SMURF2: variants seen among roughly 807,000 people sequenced by gnomAD.
SMURF2 encodes SMAD specific E3 ubiquitin protein ligase 2, also known as E3 ubiquitin-protein ligase SMURF2.
SMURF2 carries 48 observed loss-of-function variants against 109.6 expected under a neutral mutation model. That is an observed-to-expected ratio of 0.44 (90% CI 0.35 to 0.56). SMURF2 has a LOEUF of 0.56. SMURF2 is among the 20% of genes least tolerant of loss of function. SMURF2 has a pLI of 0.01. For synonymous variants in SMURF2, 288 were observed against 317.1 expected (o/e 0.91, Z 0.97); for missense variants, 575 against 909.0 (o/e 0.63, Z 4.72).
intron 8 of SMURF2, among the ~76,000 whole-genome samples, chr17:64,580,215 TAGG>T (rs1395708599): frequency 1.3e-5 from 2 of 152,214 alleles, no homozygotes; most frequent in African/African-American, 2.4e-5. Flanking sequence ...CGTATTCTAT[TAGG>T]AGAAGACTCA....
At chr17:64,592,927 T>C (rs1444370723) in intron 4 of SMURF2, 6 of 152,194 alleles carry the variant, frequency 3.9e-5, no homozygotes, top group Admixed American at 3.9e-4. Context: ...CTTTAACTTT[T>C]AATTTTGTCA....
At chr17:64,633,799 C>T (rs1970378514) in intron 1 of SMURF2, among the ~76,000 whole-genome samples, 1 of 150,852 alleles carries the variant, frequency 6.6e-6, no homozygotes. Context: ...GATTAGCCCC[C>T]CACCCCCCAA....
At position 64,596,953 on chromosome 17, in the gene SMURF2, T is replaced by C. The variant is rs553070816; in HGVS notation, c.200+1429A>G. ...TTGTCAAGAAAGAAAATGTAATTCT[T>C]GTACCCCTGTGACCCAACTATGGAT... is the stretch of plus-strand genomic sequence containing the variant. On this transcript the variant is annotated intron_variant, in intron 3 of 18. Coordinates refer to ENST00000262435, the MANE Select transcript of SMURF2 (RefSeq NM_022739.4). 3.2e-3 allele frequency among the ~76,000 whole-genome samples: 483 copies of C among 152,338 alleles called. 1 individual carries two copies. The highest frequency in any genetic ancestry group is 4.9e-3 in the Non-Finnish European group (332 of 68,028).
intron 1 of SMURF2, among the ~76,000 whole-genome samples, chr17:64,640,648 C>T (rs1970481723): frequency 6.6e-6 from 1 of 152,068 alleles, no homozygotes; most frequent in Non-Finnish European, 1.5e-5. Flanking sequence ...AGGCCGGGCA[C>T]AGTGGCTCAC....
At chr17:64,566,573 T>TTTTG (rs1568176818) in intron 10 of SMURF2, among the ~76,000 whole-genome samples, 8 of 100,910 alleles carry the variant, frequency 7.9e-5, no homozygotes, top group Admixed American at 4.4e-4. Flanking sequence ...TTTTTTTTTT[T>TTTTG]TTTTTTTTTT....
At chr17:64,620,697 T>G (rs1026088848) in intron 1 of SMURF2, among the ~76,000 whole-genome samples, 1 of 152,232 alleles carries the variant, frequency 6.6e-6, no homozygotes, top group Non-Finnish European at 1.5e-5. Context: ...TGTTTTATTA[T>G]AGTGCTTTCT....
chr17:64,610,853 A>C (rs1184175334), intron 1 of SMURF2, among the ~76,000 whole-genome samples: 1 of 152,032 alleles, frequency 6.6e-6, no homozygotes, highest in Non-Finnish European at 1.5e-5. Context: ...TTCCTCCCTC[A>C]CCATTGCCTC....
intron 16 of SMURF2, among the ~76,000 whole-genome samples, chr17:64,549,262 CAAA>C (rs577973821): frequency 5.8e-4 from 24 of 41,570 alleles, no homozygotes; most frequent in South Asian, 1.3e-3. Context: ...ACTGTGTCTC[CAAA>C]AAAAAAAAAA....
At chr17:64,634,188 C>T (rs1970384959) in intron 1 of SMURF2, among the ~76,000 whole-genome samples, 1 of 152,148 alleles carries the variant, frequency 6.6e-6, no homozygotes. Flanking sequence ...TAACTGGCTG[C>T]TAGCATTCTT....
intron 16 of SMURF2, among the ~76,000 whole-genome samples, chr17:64,549,844 C>A (rs549934173): frequency 1.3e-5 from 2 of 152,110 alleles, no homozygotes; most frequent in Admixed American, 6.5e-5. Context: ...CCTAACCCTA[C>A]CAAATAAAGT....
At chr17:64,613,546 G>A (rs1363162518) in intron 1 of SMURF2, among the ~76,000 whole-genome samples, 1 of 142,612 alleles carries the variant, frequency 7.0e-6, no homozygotes, top group Non-Finnish European at 1.6e-5. Context: ...AGTAACAGGA[G>A]AGAAATCTTG....
intron 1 of SMURF2, among the ~76,000 whole-genome samples, chr17:64,617,614 T>C (rs1555690214): frequency 1.3e-5 from 2 of 152,062 alleles, no homozygotes; most frequent in Non-Finnish European, 2.9e-5. Flanking sequence ...AACCTCTGAG[T>C]ACCTGGGACT....
At chr17:64,631,913 T>C (rs1555691627) in intron 1 of SMURF2, among the ~76,000 whole-genome samples, 2 of 131,520 alleles carry the variant, frequency 1.5e-5, no homozygotes, top group African/African-American at 5.7e-5. Flanking sequence ...TCTCAACATC[T>C]ATTAACCACC....
chr17:64,623,481 A>G (rs1349179585), intron 1 of SMURF2, among the ~76,000 whole-genome samples: 1 of 152,212 alleles, frequency 6.6e-6, no homozygotes, highest in African/African-American at 2.4e-5. Flanking sequence ...CTGTTCTAAC[A>G]CCACTATGTC....
At chr17:64,566,088 T>G (rs1315791724) in intron 10 of SMURF2, among the ~76,000 whole-genome samples, 1 of 151,894 alleles carries the variant, frequency 6.6e-6, no homozygotes, top group African/African-American at 2.4e-5. Flanking sequence ...AAAACTCCGT[T>G]AACACTTGTC....
Position 64,562,285 on chromosome 17 carries a change from CAAAAAAAAAAA to C in SMURF2, c.1212+475_1212+485del, listed in dbSNP as rs782461489. 2.4e-3 allele frequency among the ~76,000 whole-genome samples: 46 copies of C among 19,020 alleles called. No homozygotes were observed. The South Asian group carries it at 0.029, about 12-fold the overall frequency. The allele number at this position is 19,020 out of a possible 152,430, so 12.5% of individuals were successfully genotyped here. A position where few individuals can be genotyped will look rare whatever the true frequency, so the allele number is the denominator to read the frequency against. On this transcript the variant is annotated intron_variant, in intron 11 of 18. Coordinates refer to ENST00000262435, the MANE Select transcript of SMURF2 (RefSeq NM_022739.4). The stretch of plus-strand genomic sequence containing the variant: ...TCCAGCCTGGCGACAGACTCCGTCT[CAAAAAAAAAAA>C]AAAAAAAAAAAAAAAAAGAGAGAGA...
chr17:64,568,030 AT>A (rs1969339957), intron 10 of SMURF2, among the ~76,000 whole-genome samples: 1 of 151,272 alleles, frequency 6.6e-6, no homozygotes, highest in Non-Finnish European at 1.5e-5. Flanking sequence ...ATTTTTTTGT[AT>A]TTTTAGTAGA....
intron 6 of SMURF2, among the ~76,000 whole-genome samples, chr17:64,585,827 C>T (rs1462761836): frequency 6.6e-6 from 1 of 152,052 alleles, no homozygotes; most frequent in Non-Finnish European, 1.5e-5. Flanking sequence ...ATAATATTTA[C>T]AAGAGAGTTA....
chr17:64,656,810 T>C (rs1970712030), intron 1 of SMURF2, among the ~76,000 whole-genome samples: 1 of 152,194 alleles, frequency 6.6e-6, no homozygotes, highest in Admixed American at 6.5e-5. Flanking sequence ...CTAAAACCAG[T>C]CTTCATGGTT....
Sources: allele counts gnomAD v4.1 joint callset (sites outside exome capture counted in the v4.1 genomes callset), GRCh38; gene constraint gnomAD v4.1.1; transcripts MANE v1.5; gene names NCBI Gene and HGNC (gene_info 2026-07-23, HGNC 2026-07-21).